The following BRAF variants were observed in gnomAD, a reference collection of about 807,000 sequenced individuals.
BRAF encodes serine/threonine-protein kinase B-raf.
Under a neutral mutation model 104.6 loss-of-function variants are expected in BRAF, and 16 were observed. The observed-to-expected ratio is 0.15, with a 90% confidence interval of 0.10 to 0.23. The LOEUF (loss-of-function observed/expected upper bound fraction) is 0.23. Among genes scored for constraint, BRAF ranks in the 10% least tolerant of loss-of-function variants. BRAF has a pLI of 1.00. For synonymous variants in BRAF, 310 were observed against 341.6 expected (o/e 0.91, Z 1.02); for missense variants, 541 against 937.3 (o/e 0.58, Z 5.52).
rs922591864 is a variant in BRAF at position 140,778,949 on chromosome 7, G to C, written c.1553-874C>G. Among the ~76,000 whole-genome samples, 28 of 152,126 alleles carry C rather than the reference G, an allele frequency of 1.8e-4. 1 individual carries two copies. The highest frequency in any genetic ancestry group is 1.7e-3 in the Admixed American group (26 of 15,272). Reference sequence around the variant, plus strand: ...TACACTAAAAATGTTTACAGCACCAGCATCAATCAAAGCCCCAAACTGGAA... The same window carrying C: ...TACACTAAAAATGTTTACAGCACCACCATCAATCAAAGCCCCAAACTGGAA... On this transcript the variant is annotated intron_variant, in intron 12 of 19. Coordinates refer to ENST00000644969, the MANE Select transcript of BRAF (RefSeq NM_001374258.1).
At chr7:140,892,068 C>A (rs1814291441) in intron 1 of BRAF, among the ~76,000 whole-genome samples, 1 of 152,040 alleles carries the variant, frequency 6.6e-6, no homozygotes, top group Non-Finnish European at 1.5e-5. Context: ...CCAGCCTGGC[C>A]AACATGGTGA....
In BRAF at chr7:140,902,309, A is replaced by T. The variant is rs374183627; in HGVS notation, c.138+22257T>A. The stretch of plus-strand genomic sequence containing the variant: ...GGGTGCCACGAACCACACCCATATA[A>T]GGCAGTGAACTTCTTCAGTAAATGT... On this transcript the variant is annotated intron_variant, in intron 1 of 19. Coordinates refer to ENST00000644969, the MANE Select transcript of BRAF (RefSeq NM_001374258.1). Among the ~76,000 whole-genome samples, 8 of 152,330 alleles carry T rather than the reference A, an allele frequency of 5.3e-5. No individual in the cohort carries two copies. In the South Asian group the frequency reaches 6.2e-4, roughly 12 times the overall value.
intron 14 of BRAF, among the ~76,000 whole-genome samples, chr7:140,772,152 T>TG (rs1337301228): frequency 2.6e-5 from 4 of 152,146 alleles, no homozygotes; most frequent in Non-Finnish European, 5.9e-5. Flanking sequence ...TCAAAAGATA[T>TG]GTTAAAATCT....
intron 14 of BRAF, among the ~76,000 whole-genome samples, chr7:140,768,562 T>A (rs1342616883): frequency 6.6e-6 from 1 of 152,020 alleles, no homozygotes; most frequent in South Asian, 2.1e-4. Flanking sequence ...GACTCAATCA[T>A]GCCTCACTGT....
At chr7:140,859,217 C>T (rs1162654345) in intron 1 of BRAF, among the ~76,000 whole-genome samples, 1 of 152,094 alleles carries the variant, frequency 6.6e-6, no homozygotes, top group East Asian at 1.9e-4. Context: ...AGGTTTCCAC[C>T]CCTGTTTTGG....
chr7:140,787,149 A>G (rs1801445353), intron 9 of BRAF, among the ~76,000 whole-genome samples: 2 of 151,712 alleles, frequency 1.3e-5, no homozygotes, highest in African/African-American at 4.8e-5. Flanking sequence ...AAAATACAAA[A>G]AATTAGCCGG....
At chr7:140,833,757 A>C (rs750197588) in intron 3 of BRAF, among the ~76,000 whole-genome samples, 3 of 152,180 alleles carry the variant, frequency 2.0e-5, no homozygotes, top group Non-Finnish European at 2.9e-5. Flanking sequence ...TTAGAAAGCC[A>C]TATTTCCTAA....
At chr7:140,765,482 C>G (rs982642122) in intron 14 of BRAF, among the ~76,000 whole-genome samples, 1 of 152,060 alleles carries the variant, frequency 6.6e-6, no homozygotes, top group African/African-American at 2.4e-5. Flanking sequence ...TTCTGCACAG[C>G]AAAAGAAACT....
At chr7:140,731,515 A>T (rs575033050) in intron 19 of BRAF, 1 of 152,360 alleles carries the variant, frequency 6.6e-6, no homozygotes, top group East Asian at 1.9e-4. Flanking sequence ...AATATTTTTT[A>T]AAAAGGCACA....
chr7:140,763,794 G>A (rs1308656488), intron 14 of BRAF, among the ~76,000 whole-genome samples: 1 of 152,194 alleles, frequency 6.6e-6, no homozygotes, highest in Non-Finnish European at 1.5e-5. Flanking sequence ...CTCAAATTGT[G>A]GCAGTAATCA....
chr7:140,734,190 G>A (rs1796194737), intron 19 of BRAF: 4 of 1,087,600 alleles, frequency 3.7e-6, no homozygotes, highest in Admixed American at 4.7e-5. Context: ...CAGGCTAACC[G>A]ACTGCCAACT....
At chr7:140,754,102 CTG>C in intron 15 of BRAF, 83 bp downstream of exon 14, 1 of 1,372,540 alleles carries the variant, frequency 7.3e-7, no homozygotes. Flanking sequence ...AGCATGAAAA[CTG>C]TTTTTACATA....
intron 1 of BRAF, among the ~76,000 whole-genome samples, chr7:140,863,255 A>T (rs1180113199): frequency 2.0e-5 from 3 of 152,198 alleles, no homozygotes; most frequent in Non-Finnish European, 2.9e-5. Flanking sequence ...TGACGTAAAT[A>T]AGTTGGTCCC....
chr7:140,808,881 A>G lies in BRAF; in HGVS notation c.608+11T>C, dbSNP rs1310391490. 6.2e-7 allele frequency: 1 copy of G among 1,602,640 alleles called. No homozygotes were observed. Among genetic ancestry groups the G allele is most frequent in the African/African-American group, 1.3e-5 (1 of 74,646 alleles). The stretch of plus-strand genomic sequence containing the variant: ...TTTTAAACAAAATTTCACGTCACAT[A>G]CAAACCATACCCATCCTGAATTCTG... On this transcript the variant is annotated intron_variant, in intron 4 of 19. Coordinates refer to ENST00000644969, the MANE Select transcript of BRAF (RefSeq NM_001374258.1).
intron 1 of BRAF, among the ~76,000 whole-genome samples, chr7:140,914,498 A>C (rs140662189): frequency 2.2e-3 from 328 of 152,330 alleles, no homozygotes; most frequent in South Asian, 3.5e-3. Flanking sequence ...ACCACTCTGA[A>C]TCATAATCTC....
intron 14 of BRAF, among the ~76,000 whole-genome samples, chr7:140,771,436 C>T (rs1799838914): frequency 6.6e-6 from 1 of 152,162 alleles, no homozygotes; most frequent in African/African-American, 2.4e-5. Flanking sequence ...TCGGGCAATA[C>T]TCCTGCCTTG....
Position 140,870,000 on chromosome 7 carries a change from T to TAA in BRAF, c.139-19790_139-19789dup, listed in dbSNP as rs571884434. Among the ~76,000 whole-genome samples, 237 of 152,034 alleles carry TAA rather than the reference T, an allele frequency of 1.6e-3. 3 individuals are homozygous for TAA. In the South Asian group the frequency reaches 0.026, roughly 17 times the overall value. On this transcript the variant is annotated intron_variant, in intron 1 of 19. Transcript: ENST00000644969. ...CAAAAAAAGGAAGAAAGAAAGACGA[T>TAA]AAAAGAGGGCAAGGGGGAAAGGAAG...
At chr7:140,921,565 TAGA>T (rs1818225570) in intron 1 of BRAF, among the ~76,000 whole-genome samples, 1 of 152,104 alleles carries the variant, frequency 6.6e-6, no homozygotes, top group Non-Finnish European at 1.5e-5. Context: ...TAATAATACG[TAGA>T]AATTTTTGCT....
At chr7:140,802,290 G>GTATTTTTTTTTTTTTTTTTTT (rs1803206077) in intron 5 of BRAF, among the ~76,000 whole-genome samples, 1 of 136,054 alleles carries the variant, frequency 7.4e-6, no homozygotes, top group Non-Finnish European at 1.6e-5. Context: ...GTATGTTTGT[G>GTATTTTTTTTTTTTTTTTTTT]TCTTTTTTTT....
Sources: gnomAD v4.1 joint callset for allele counts (sites outside exome capture counted in the v4.1 genomes callset) on GRCh38, gnomAD v4.1.1 for gene constraint, MANE v1.5 for transcripts, NCBI Gene and HGNC (gene_info 2026-07-23, HGNC 2026-07-21) for gene names.